DMD: variants seen among roughly 807,000 people sequenced by gnomAD.
DMD encodes the protein mutant dystrophin.
Under a neutral mutation model 330.1 loss-of-function variants are expected in DMD, and 63 were observed. The ratio of observed to expected loss-of-function variants is 0.19; its 90% CI spans 0.16 to 0.24. DMD has a LOEUF of 0.24. Ranked by LOEUF, DMD falls within the 10% of genes least tolerant of loss-of-function variation. The probability of loss-of-function intolerance (pLI) is 1.00; values close to 1 mark genes in which losing one functional copy is unlikely to be tolerated. For missense variants in DMD, 3,344 were observed against 2,684.1 expected (o/e 1.25, Z -5.43); for synonymous variants, 1,223 against 959.8 (o/e 1.27, Z -5.07).
chrX:32,783,067 G>GTA (rs1557025943), intron 7 of DMD, among the ~76,000 whole-genome samples: 2 of 94,759 alleles, frequency 2.1e-5, no homozygotes, highest in African/African-American at 4.5e-5. Flanking sequence ...CATATATGGT[G>GTA]TATATATACA....
At chrX:31,188,807 G>C (rs2148401307) in intron 67 of DMD, among the ~76,000 whole-genome samples, 1 of 111,985 alleles carries the variant, frequency 8.9e-6, no homozygotes, top group African/African-American at 3.2e-5. Flanking sequence ...GGAATCAGTT[G>C]TCATTACTAT....
chrX:31,160,269 T>C (rs1252991050), intron 74 of DMD, among the ~76,000 whole-genome samples: 11 of 111,761 alleles, frequency 9.8e-5, no homozygotes, highest in African/African-American at 3.6e-4. Flanking sequence ...TTTTCTATGA[T>C]CATGAGAGTT....
At chrX:31,629,857 C>T (rs1384932214) in intron 54 of DMD, among the ~76,000 whole-genome samples, 1 of 111,720 alleles carries the variant, frequency 9.0e-6, no homozygotes, top group Non-Finnish European at 1.9e-5. Context: ...ATCTCCAGTG[C>T]AAAATTTGGA....
intron 51 of DMD, 59 bp downstream of exon 51, chrX:31,773,901 G>T: frequency 9.5e-7 from 1 of 1,052,066 alleles, no homozygotes; most frequent in East Asian, 3.0e-5. Context: ...AAAGTGATTG[G>T]TGGAAAATCT....
chrX:31,731,912 G>A (rs891543005), intron 51 of DMD, among the ~76,000 whole-genome samples: 2 of 111,202 alleles, frequency 1.8e-5, no homozygotes, highest in African/African-American at 6.5e-5. Flanking sequence ...AACCTTACCA[G>A]GCTCTAAATT....
At chrX:32,798,701 G>C (rs767930786) in intron 7 of DMD, among the ~76,000 whole-genome samples, 1 of 111,672 alleles carries the variant, frequency 9.0e-6, no homozygotes, top group African/African-American at 3.2e-5. Context: ...AGGATTTCTA[G>C]TTGAAATACC....
At position 32,890,155 on chromosome X, in the gene DMD, A is replaced by G. The variant is rs184316827; in HGVS notation, c.94-40335T>C. Among the ~76,000 whole-genome samples, 227 of 111,337 alleles carry G rather than the reference A, an allele frequency of 2.0e-3. No individual in the cohort carries two copies. In the South Asian group the frequency reaches 0.021, roughly 10 times the overall value. ...TCAGACAACAATTAAGAGCCAAGTC[A>G]TCTTGAGACAAGAGCTCAGGACTCA... On this transcript the variant is annotated intron_variant, in intron 2 of 78. Transcript: ENST00000357033.
In DMD at chrX:31,452,660, T is replaced by C. The variant is rs757840785; in HGVS notation, c.8938-8033A>G. On this transcript the variant is annotated intron_variant, in intron 59 of 78. Transcript: ENST00000357033. Reference sequence around the variant, plus strand: ...ATATACCCAAACATAAAAGGATAACTTTTTCTTTTTAACATTTTCTCTTTG... The same window carrying C: ...ATATACCCAAACATAAAAGGATAACCTTTTCTTTTTAACATTTTCTCTTTG... 8.9e-5 allele frequency among the ~76,000 whole-genome samples: 10 copies of C among 112,439 alleles called. No homozygotes were observed. The Admixed American group carries it at 9.4e-4, about 11-fold the overall frequency.
chrX:32,628,892 T>C lies in DMD; in HGVS notation c.1332-14439A>G, dbSNP rs903354710. 1.6e-4 allele frequency among the ~76,000 whole-genome samples: 18 copies of C among 112,179 alleles called. No individual in the cohort carries two copies. In the Admixed American group the frequency reaches 1.7e-3, roughly 11 times the overall value. On this transcript the variant is annotated intron_variant, in intron 11 of 78. Transcript: ENST00000357033. The stretch of plus-strand genomic sequence containing the variant: ...GATCAGAAAAGCTAATTTATGTTAT[T>C]TTGATTTTTGAATTTTCTAAGACTT...
intron 72 of DMD, among the ~76,000 whole-genome samples, chrX:31,173,089 A>T (rs1201105760): frequency 8.9e-6 from 1 of 112,090 alleles, no homozygotes; most frequent in Non-Finnish European, 1.9e-5. Context: ...GGTGAGACAG[A>T]AAAGTCCAAG....
chrX:31,951,028 T>C (rs2095154950), intron 45 of DMD, among the ~76,000 whole-genome samples: 1 of 103,277 alleles, frequency 9.7e-6, no homozygotes, highest in African/African-American at 3.5e-5. Flanking sequence ...TGGAAGTGTT[T>C]TGGATTTTGG....
At chrX:31,955,185 A>C (rs1165764153) in intron 45 of DMD, among the ~76,000 whole-genome samples, 1 of 111,161 alleles carries the variant, frequency 9.0e-6, no homozygotes, top group Admixed American at 9.6e-5. Flanking sequence ...TCAAAAAAGA[A>C]AGTTCATAAA....
intron 2 of DMD, among the ~76,000 whole-genome samples, chrX:33,011,395 T>C (rs1231873153): frequency 8.9e-6 from 1 of 111,877 alleles, no homozygotes; most frequent in Non-Finnish European, 1.9e-5. Flanking sequence ...TACACATTTC[T>C]ACATGCAATT....
chrX:31,953,722 C>T (rs10465359), intron 45 of DMD, among the ~76,000 whole-genome samples: 39,647 of 110,297 alleles, frequency 0.36, 6,590 homozygotes, highest in African/African-American at 0.65. Context: ...TACATTACCT[C>T]TTACTCTTAC....
intron 44 of DMD, among the ~76,000 whole-genome samples, chrX:32,032,069 G>A (rs2069911167): frequency 9.0e-6 from 1 of 111,005 alleles, no homozygotes; most frequent in Non-Finnish European, 1.9e-5. Context: ...TTTTTGGGGG[G>A]GATTATATTT....
At chrX:31,599,340 G>T (rs141190702) in intron 55 of DMD, among the ~76,000 whole-genome samples, 42 of 111,404 alleles carry the variant, frequency 3.8e-4, no homozygotes, top group Non-Finnish European at 1.5e-4. Context: ...TTAACTTTAG[G>T]TTATTTAATT....
At chrX:32,260,221 A>C (rs1299050512) in intron 43 of DMD, among the ~76,000 whole-genome samples, 2 of 111,151 alleles carry the variant, frequency 1.8e-5, no homozygotes, top group African/African-American at 6.6e-5. Context: ...CTCCTTTGTC[A>C]ATACCTCTGA....
At chrX:32,804,534 G>A (rs1191959174) in intron 7 of DMD, among the ~76,000 whole-genome samples, 1 of 112,628 alleles carries the variant, frequency 8.9e-6, no homozygotes, top group Non-Finnish European at 1.9e-5. Context: ...GGAAGGGGCA[G>A]CTGTGGGTGC....
At position 32,545,248 on chromosome X, in the gene DMD, C is replaced by G; in HGVS notation, c.2079G>C (p.Gln693His). Residue 693 changes from glutamine to histidine, a missense_variant, in exon 17 of 79, where the codon CAG (glutamine) becomes CAC (histidine). Transcript: ENST00000357033. ...CCTCTTGAGCATGCTTTACCAGGAT[C>G]TGTTCCCTTGTGGTCACCGTAGTTA... ...ETVTTVTTRE[Q>H]ILVKHAQEEL... 8.3e-7 allele frequency: 1 copy of G among 1,210,478 alleles called. No individual in the cohort carries two copies. The highest frequency in any genetic ancestry group is 1.1e-6 in the Non-Finnish European group (1 of 894,371).
Sources: allele counts gnomAD v4.1 joint callset (sites outside exome capture counted in the v4.1 genomes callset), GRCh38; gene constraint gnomAD v4.1.1; transcripts MANE v1.5; gene names NCBI Gene and HGNC (gene_info 2026-07-23, HGNC 2026-07-21).